Variants in PRKN observed in about 807,000 individuals in gnomAD.
PRKN encodes the protein E3 ubiquitin-protein ligase parkin.
Under a neutral mutation model 59.5 loss-of-function variants are expected in PRKN, and 56 were observed. That is an observed-to-expected ratio of 0.94 (90% CI 0.76 to 1.18). The LOEUF (loss-of-function observed/expected upper bound fraction) is 1.18, where lower values mean the gene tolerates loss of function less well. Among genes scored for constraint, PRKN ranks in the 50% most tolerant of loss-of-function variants. PRKN has a pLI of 0.00. For missense variants in PRKN, 657 were observed against 596.4 expected, an observed-to-expected ratio of 1.10 and a Z score of -1.06; for synonymous variants, 250 against 222.1, an observed-to-expected ratio of 1.13 and a Z score of -1.12.
At chr6:162,578,429 A>C (rs779239981) in intron 1 of PRKN, among the ~76,000 whole-genome samples, 4 of 152,196 alleles carry the variant, frequency 2.6e-5, no homozygotes, top group Non-Finnish European at 5.9e-5. Flanking sequence ...ATGTGAAATT[A>C]ATTATCGTTT....
chr6:161,995,476 A>G (rs1781806985), intron 5 of PRKN, among the ~76,000 whole-genome samples: 1 of 152,282 alleles, frequency 6.6e-6, no homozygotes, highest in East Asian at 1.9e-4. Context: ...AACAACCTGT[A>G]GAATGGGAGA....
chr6:162,121,426 AAAG>A (rs1163626636), intron 4 of PRKN, among the ~76,000 whole-genome samples: 2 of 152,138 alleles, frequency 1.3e-5, no homozygotes, highest in African/African-American at 4.8e-5. Flanking sequence ...TACCACTAAA[AAAG>A]AAGGACAGTA....
rs1790908939 is a variant in PRKN, at chr6:161,473,627, A to G, written c.1083+75227T>C. On this transcript the variant is annotated intron_variant, in intron 9 of 11. Transcript: ENST00000366898. The surrounding 1 kb of genome is among the most constrained non-coding windows in gnomAD (Gnocchi z 4.1). ...GATATGGGTCAAAGCATACAAAGTT[A>G]CAGGTAGGACAAATATTCTAGAAAT... Among the ~76,000 whole-genome samples, 1 of 151,922 alleles carries G rather than the reference A, an allele frequency of 6.6e-6. No individual in the cohort carries two copies. Among genetic ancestry groups the G allele is most frequent in the African/African-American group, 2.4e-5 (1 of 41,334 alleles).
chr6:162,571,489 G>C (rs965816342), intron 1 of PRKN, among the ~76,000 whole-genome samples: 1 of 152,106 alleles, frequency 6.6e-6, no homozygotes, highest in Non-Finnish European at 1.5e-5. Context: ...AATTAAAACT[G>C]CTTTGACAAA....
chr6:162,417,014 C>G (rs1788662436), intron 2 of PRKN, among the ~76,000 whole-genome samples: 1 of 152,168 alleles, frequency 6.6e-6, no homozygotes, highest in African/African-American at 2.4e-5. Flanking sequence ...AGCATCCTAA[C>G]AGCTGGAGGA....
chr6:161,517,765 A>AAAAAAG (rs1562499845), intron 9 of PRKN, among the ~76,000 whole-genome samples: 4 of 143,816 alleles, frequency 2.8e-5, no homozygotes, highest in African/African-American at 2.6e-5. Flanking sequence ...AAAAAAAAAA[A>AAAAAAG]GAGTTGAGGT....
chr6:162,094,759 C>T (rs2128297194), intron 4 of PRKN, among the ~76,000 whole-genome samples: 1 of 152,136 alleles, frequency 6.6e-6, no homozygotes, highest in Non-Finnish European at 1.5e-5. Context: ...AACTCCTGTC[C>T]CACGACTTAG....
At chr6:162,710,415 A>ACACACACACACACACACC (rs35854882) in intron 1 of PRKN, among the ~76,000 whole-genome samples, 1 of 144,448 alleles carries the variant, frequency 6.9e-6, no homozygotes. Flanking sequence ...ACACACACAC[A>ACACACACACACACACACC]ACTGTTTGGT....
chr6:161,438,623 G>A (rs6909832), intron 9 of PRKN, among the ~76,000 whole-genome samples: 40,442 of 151,870 alleles, frequency 0.27, 5,866 homozygotes, highest in African/African-American at 0.37. Flanking sequence ...ACAATTCGGC[G>A]AAATAGGAAA....
intron 1 of PRKN, among the ~76,000 whole-genome samples, chr6:162,483,045 A>G (rs1386158652): frequency 3.9e-5 from 6 of 152,214 alleles, no homozygotes; most frequent in African/African-American, 1.4e-4. Context: ...TATAATGACT[A>G]TATGATTATA....
intron 4 of PRKN, among the ~76,000 whole-genome samples, chr6:162,199,765 T>C (rs1418129555): frequency 1.3e-5 from 2 of 152,178 alleles, no homozygotes; most frequent in African/African-American, 4.8e-5. Flanking sequence ...AGTGAAACAC[T>C]GAATCACAGC....
intron 5 of PRKN, among the ~76,000 whole-genome samples, chr6:162,012,013 A>G (rs768723735): frequency 5.3e-5 from 8 of 152,120 alleles, no homozygotes; most frequent in Non-Finnish European, 8.8e-5. Flanking sequence ...GTGCTATGTC[A>G]TATTTTAATA....
At chr6:162,221,134 T>A (rs780794058) in intron 3 of PRKN, among the ~76,000 whole-genome samples, 3 of 152,210 alleles carry the variant, frequency 2.0e-5, no homozygotes, top group Non-Finnish European at 4.4e-5. Flanking sequence ...TTTTTAAGAC[T>A]AATGCACAAA....
intron 2 of PRKN, among the ~76,000 whole-genome samples, chr6:162,277,952 C>G (rs1390465819): frequency 6.6e-6 from 1 of 152,166 alleles, no homozygotes; most frequent in African/African-American, 2.4e-5. Context: ...AAAATCATGT[C>G]CACACAAAAG....
At chr6:162,053,401 G>C (rs1206287726) in intron 5 of PRKN, among the ~76,000 whole-genome samples, 1 of 152,148 alleles carries the variant, frequency 6.6e-6, no homozygotes, top group Non-Finnish European at 1.5e-5. Context: ...GATTACGACG[G>C]AGCCAGCGAG....
intron 4 of PRKN, among the ~76,000 whole-genome samples, chr6:162,186,885 C>T (rs182709110): frequency 4.5e-4 from 68 of 152,268 alleles, no homozygotes; most frequent in Non-Finnish European, 7.9e-4. Context: ...GCTGGAGAAC[C>T]ATCAGCCAAT....
intron 6 of PRKN, among the ~76,000 whole-genome samples, chr6:161,805,096 G>A (rs1791250207): frequency 6.6e-6 from 1 of 152,088 alleles, no homozygotes. Flanking sequence ...ACAAAAGAAT[G>A]CAAATTGAAG....
chr6:162,131,863 C>T (rs1056515811), intron 4 of PRKN, among the ~76,000 whole-genome samples: 7 of 152,170 alleles, frequency 4.6e-5, no homozygotes, highest in African/African-American at 1.4e-4. Flanking sequence ...GTAGAGTCTA[C>T]AATCTATAGG....
intron 6 of PRKN, among the ~76,000 whole-genome samples, chr6:161,873,596 A>C (rs916140130): frequency 1.3e-5 from 2 of 151,972 alleles, no homozygotes; most frequent in African/African-American, 4.8e-5. Flanking sequence ...GAAAGAAAAG[A>C]ACTATTTTAT....
Sources: gnomAD v4.1 joint callset for allele counts (sites outside exome capture counted in the v4.1 genomes callset) on GRCh38, gnomAD v4.1.1 for gene constraint, Gnocchi (gnomAD v3.1) non-coding constraint, MANE v1.5 for transcripts, NCBI Gene and HGNC (gene_info 2026-07-23, HGNC 2026-07-21) for gene names.